Variants in EPHA6 observed in about 807,000 individuals in gnomAD.
EPHA6 encodes EPH receptor A6, also known as ephrin type-A receptor 6.
A neutral mutation model predicts 112.0 loss-of-function variants in EPHA6; 50 were observed. The observed-to-expected ratio is 0.45, with a 90% CI of 0.36 to 0.56. The LOEUF (loss-of-function observed/expected upper bound fraction) is 0.56. Among genes scored for constraint, EPHA6 ranks in the 20% least tolerant of loss-of-function variants. EPHA6 has a pLI of 0.00. For synonymous variants in EPHA6, 529 were observed against 490.7 expected (o/e 1.08, Z -1.03); for missense variants, 1,280 against 1,417.4 (o/e 0.90, Z 1.56).
At chr3:97,165,957 T>G (rs1278066669) in intron 3 of EPHA6, among the ~76,000 whole-genome samples, 2 of 152,178 alleles carry the variant, frequency 1.3e-5, no homozygotes, top group Non-Finnish European at 2.9e-5. Flanking sequence ...GTTTCAATTT[T>G]GAAAAGAAGT....
At chr3:97,425,053 C>T (rs1025350030) in intron 6 of EPHA6, among the ~76,000 whole-genome samples, 1 of 152,172 alleles carries the variant, frequency 6.6e-6, no homozygotes, top group South Asian at 2.1e-4. Flanking sequence ...CTTAGGCTGC[C>T]CTACCCCTGT....
chr3:97,587,086 T>C (rs1215874632), intron 11 of EPHA6, among the ~76,000 whole-genome samples: 2 of 151,990 alleles, frequency 1.3e-5, no homozygotes, highest in African/African-American at 4.8e-5. Context: ...CTACTAAAAA[T>C]ACAAAAATTA....
intron 5 of EPHA6, among the ~76,000 whole-genome samples, chr3:97,280,356 G>A (rs2080244629): frequency 6.6e-6 from 1 of 152,216 alleles, no homozygotes; most frequent in Non-Finnish European, 1.5e-5. Context: ...TTCCTGGCAT[G>A]TGGTAAGTGC....
chr3:97,692,798 T>A (rs1576299389), intron 14 of EPHA6, among the ~76,000 whole-genome samples: 1 of 152,316 alleles, frequency 6.6e-6, no homozygotes, highest in East Asian at 1.9e-4. Flanking sequence ...GTTTTTCAAA[T>A]TAAAAAATAC....
intron 3 of EPHA6, among the ~76,000 whole-genome samples, chr3:97,162,768 T>A (rs1266677566): frequency 1.3e-5 from 2 of 152,124 alleles, no homozygotes; most frequent in African/African-American, 2.4e-5. Context: ...GTCTGGGAAT[T>A]GATTGAGAGA....
At chr3:97,330,393 A>G (rs2082723626) in intron 5 of EPHA6, among the ~76,000 whole-genome samples, 4 of 152,266 alleles carry the variant, frequency 2.6e-5, no homozygotes. Context: ...CATTGAATCT[A>G]TAAATTACCT....
chr3:97,640,536 C>T (rs1430737873), intron 14 of EPHA6, among the ~76,000 whole-genome samples: 11 of 151,756 alleles, frequency 7.2e-5, no homozygotes, highest in East Asian at 1.9e-4. Context: ...TTTGGGAAGC[C>T]GAGGGGAGCG....
chr3:96,864,858 G>A (rs886408160), intron 1 of EPHA6, among the ~76,000 whole-genome samples: 1 of 151,996 alleles, frequency 6.6e-6, no homozygotes, highest in Non-Finnish European at 1.5e-5. Flanking sequence ...ATATGTCATT[G>A]CATTAAGGAA....
chr3:96,866,502 GA>G (rs1167413984), intron 1 of EPHA6, among the ~76,000 whole-genome samples: 6 of 151,748 alleles, frequency 4.0e-5, no homozygotes, highest in Admixed American at 6.6e-5. Flanking sequence ...GAAAGTGGGG[GA>G]AAAGCAAAGG....
intron 2 of EPHA6, among the ~76,000 whole-genome samples, chr3:96,902,856 A>G (rs1441655162): frequency 6.6e-6 from 1 of 152,206 alleles, no homozygotes; most frequent in Non-Finnish European, 1.5e-5. Context: ...TTTATTCAAC[A>G]AGCATATATT....
chr3:97,490,704 A>AGT (rs1242062010), intron 10 of EPHA6, among the ~76,000 whole-genome samples: 1 of 152,228 alleles, frequency 6.6e-6, no homozygotes, highest in Non-Finnish European at 1.5e-5. Context: ...ATATTTCTAG[A>AGT]GTATATTAGT....
intron 5 of EPHA6, among the ~76,000 whole-genome samples, chr3:97,373,159 A>T (rs1176563685): frequency 6.6e-6 from 1 of 152,150 alleles, no homozygotes; most frequent in Non-Finnish European, 1.5e-5. Flanking sequence ...CCTATTTATG[A>T]ATTGCAACTT....
At chr3:97,516,586 C>T (rs1167207127) in intron 10 of EPHA6, among the ~76,000 whole-genome samples, 2 of 152,040 alleles carry the variant, frequency 1.3e-5, no homozygotes, top group East Asian at 1.9e-4. Flanking sequence ...TTAATAATAA[C>T]GGAATTTACT....
At chr3:96,963,787 T>C (rs1236260327) in intron 2 of EPHA6, among the ~76,000 whole-genome samples, 1 of 152,152 alleles carries the variant, frequency 6.6e-6, no homozygotes, top group African/African-American at 2.4e-5. Context: ...TAAATAACAT[T>C]TGCGGTAATC....
At chr3:97,596,468 C>A (rs2093591599) in intron 12 of EPHA6, among the ~76,000 whole-genome samples, 1 of 151,882 alleles carries the variant, frequency 6.6e-6, no homozygotes, top group African/African-American at 2.4e-5. Context: ...AAATAAAATT[C>A]TACATTAATA....
At chr3:97,650,023 T>C (rs1484890233) in intron 14 of EPHA6, among the ~76,000 whole-genome samples, 1 of 152,186 alleles carries the variant, frequency 6.6e-6, no homozygotes, top group Non-Finnish European at 1.5e-5. Context: ...TAAAGGATAC[T>C]CTAATCATCT....
At chr3:97,417,381 C>T (rs9819998) in intron 6 of EPHA6, among the ~76,000 whole-genome samples, 18,720 of 151,636 alleles carry the variant, frequency 0.12, 3,693 homozygotes, top group African/African-American at 0.41. Flanking sequence ...TATGAATGAA[C>T]GATTTCTTAC....
chr3:97,240,553 G>T (rs979998537), intron 4 of EPHA6, among the ~76,000 whole-genome samples: 2 of 151,864 alleles, frequency 1.3e-5, no homozygotes, highest in African/African-American at 4.8e-5. Context: ...TTGGTGAGCA[G>T]TCACTTTTCA....
chr3:96,819,146 A>C (rs2033048406), intron 1 of EPHA6, among the ~76,000 whole-genome samples: 2 of 152,010 alleles, frequency 1.3e-5, no homozygotes, highest in Non-Finnish European at 2.9e-5. Flanking sequence ...AAAATAACTT[A>C]AATGAATATA....
Sources: gnomAD v4.1 joint callset for allele counts (sites outside exome capture counted in the v4.1 genomes callset) on GRCh38, gnomAD v4.1.1 for gene constraint, MANE v1.5 for transcripts, NCBI Gene and HGNC (gene_info 2026-07-23, HGNC 2026-07-21) for gene names.